SLC24A3: variants seen among roughly 807,000 people sequenced by gnomAD.
The protein encoded by SLC24A3 is sodium/potassium/calcium exchanger 3.
SLC24A3 carries 28 observed loss-of-function variants against 75.8 expected under a neutral mutation model. That is an observed-to-expected ratio of 0.37 (90% confidence interval 0.27 to 0.51). SLC24A3 has a LOEUF of 0.51. SLC24A3 is among the 20% of genes least tolerant of loss of function. SLC24A3 has a pLI of 0.94. For missense variants in SLC24A3, 663 were observed against 847.8 expected (o/e 0.78, Z 2.71); for synonymous variants, 372 against 334.1 (o/e 1.11, Z -1.24).
In SLC24A3 at chr20:19,554,423, T is replaced by A. The variant is rs189426041; in HGVS notation, c.349-25577T>A. On this transcript the variant is annotated intron_variant, in intron 3 of 16. Transcript: ENST00000328041. Reference sequence around the variant, plus strand: ...CTCCGGAAGTGCTTCTAACAGAGTTTGTGGAGAGAAGAGAAAAGGTGGAAG... The same window carrying A: ...CTCCGGAAGTGCTTCTAACAGAGTTAGTGGAGAGAAGAGAAAAGGTGGAAG... Among the ~76,000 whole-genome samples, 8 of 152,292 alleles carry A rather than the reference T, an allele frequency of 5.3e-5. No individual in the cohort carries two copies. The East Asian group carries it at 1.4e-3, about 26-fold the overall frequency.
chr20:19,479,507 C>G (rs774417188), intron 2 of SLC24A3, among the ~76,000 whole-genome samples: 7 of 152,178 alleles, frequency 4.6e-5, no homozygotes, highest in African/African-American at 7.2e-5. Context: ...GAGCAAACCC[C>G]TGAGTGAAGA....
At chr20:19,585,740 G>C (rs62203265) in intron 6 of SLC24A3, among the ~76,000 whole-genome samples, 196 bp downstream of exon 6, 1,814 of 152,204 alleles carry the variant, frequency 0.012, 24 homozygotes, top group Non-Finnish European at 0.015. Flanking sequence ...ACCATTACTT[G>C]GTCTCCATGT....
At chr20:19,659,464 T>C (rs1056813710) in intron 7 of SLC24A3, among the ~76,000 whole-genome samples, 2 of 152,258 alleles carry the variant, frequency 1.3e-5, no homozygotes, top group African/African-American at 2.4e-5. Flanking sequence ...ACGTGGCTAC[T>C]GACAGGCAAC....
At chr20:19,532,165 G>A (rs909387249) in intron 3 of SLC24A3, among the ~76,000 whole-genome samples, 23 of 152,174 alleles carry the variant, frequency 1.5e-4, no homozygotes, top group African/African-American at 4.1e-4. Context: ...TCTAGACGAC[G>A]GATCTAAGAA....
intron 1 of SLC24A3, among the ~76,000 whole-genome samples, chr20:19,279,596 GCT>G (rs991541242): frequency 3.3e-5 from 5 of 151,856 alleles, no homozygotes; most frequent in African/African-American, 1.2e-4. Flanking sequence ...GTATCCTTTT[GCT>G]CTGTCTCCTC....
chr20:19,682,615 A>C lies in SLC24A3; in HGVS notation c.901+624A>C, dbSNP rs137959546. On this transcript the variant is annotated intron_variant, in intron 10 of 16. Coordinates refer to ENST00000328041, the MANE Select transcript of SLC24A3 (RefSeq NM_020689.4). ...TGTGTGACCATGAAGCAGGTTATGT[A>C]ACCTCTTGAGCCTCAGTTTTCTCTT... Among the ~76,000 whole-genome samples, 492 of 152,348 alleles carry C rather than the reference A, an allele frequency of 3.2e-3. 2 individuals are homozygous for C. Among genetic ancestry groups the C allele is most frequent in the African/African-American group, 0.011 (449 of 41,584 alleles).
chr20:19,602,657 C>T (rs1025435864), intron 6 of SLC24A3, among the ~76,000 whole-genome samples: 3 of 152,106 alleles, frequency 2.0e-5, no homozygotes, highest in African/African-American at 7.2e-5. Flanking sequence ...CAAGAGAGTC[C>T]CCATGCTAAG....
chr20:19,468,371 AG>A (rs1987804692), intron 2 of SLC24A3, among the ~76,000 whole-genome samples: 1 of 152,078 alleles, frequency 6.6e-6, no homozygotes, highest in Non-Finnish European at 1.5e-5. Context: ...CAAAAAGCCA[AG>A]GGGGTACAGG....
chr20:19,281,929 T>C (rs540723629), intron 2 of SLC24A3, among the ~76,000 whole-genome samples: 1 of 152,334 alleles, frequency 6.6e-6, no homozygotes, highest in African/African-American at 2.4e-5. Context: ...TCTGTAGCCA[T>C]ATTTTGCTGC....
intron 1 of SLC24A3, among the ~76,000 whole-genome samples, chr20:19,239,841 T>G (rs1982280137): frequency 6.6e-6 from 1 of 152,118 alleles, no homozygotes; most frequent in South Asian, 2.1e-4. Context: ...CCAGGGGCCC[T>G]GTGGGCAGCC....
At chr20:19,307,509 A>G (rs896948979) in intron 2 of SLC24A3, among the ~76,000 whole-genome samples, 1 of 152,206 alleles carries the variant, frequency 6.6e-6, no homozygotes, top group Non-Finnish European at 1.5e-5. Context: ...GGAACAGAAA[A>G]CCAAACACTG....
At chr20:19,392,583 C>A (rs1478193264) in intron 2 of SLC24A3, among the ~76,000 whole-genome samples, 3 of 152,104 alleles carry the variant, frequency 2.0e-5, no homozygotes, top group African/African-American at 7.2e-5. Context: ...GAACCAAATA[C>A]AAAACTGAGG....
At chr20:19,399,644 C>A (rs1235611132) in intron 2 of SLC24A3, among the ~76,000 whole-genome samples, 1 of 152,088 alleles carries the variant, frequency 6.6e-6, no homozygotes. Flanking sequence ...TTATTATAAT[C>A]GAGGCTAATT....
intron 2 of SLC24A3, among the ~76,000 whole-genome samples, chr20:19,466,677 G>A (rs193285082): frequency 1.1e-4 from 17 of 148,288 alleles, no homozygotes; most frequent in Middle Eastern, 3.2e-3. Flanking sequence ...ATATTTAGGG[G>A]CTTTCAGTTT....
At chr20:19,431,170 C>G (rs958537132) in intron 2 of SLC24A3, among the ~76,000 whole-genome samples, 1 of 152,082 alleles carries the variant, frequency 6.6e-6, no homozygotes, top group African/African-American at 2.4e-5. Context: ...GCCCTCAACC[C>G]AGCCCCATGT....
At chr20:19,318,391 G>C (rs1480335337) in intron 2 of SLC24A3, among the ~76,000 whole-genome samples, 1 of 152,188 alleles carries the variant, frequency 6.6e-6, no homozygotes, top group African/African-American at 2.4e-5. Flanking sequence ...CCATGATGAG[G>C]AGGCTGAGAG....
At chr20:19,697,549 C>G (rs2032824468) in intron 14 of SLC24A3, 2 of 152,398 alleles carry the variant, frequency 1.3e-5, no homozygotes, top group African/African-American at 2.4e-5. Flanking sequence ...CCTTCAAAGC[C>G]AAGCTCACAG....
rs78297564 is a variant in SLC24A3, at chr20:19,699,944, G to A, written c.1719+1264G>A. ...ACATTATAAAGTTTGGGAAATGATCGTGACAAATTGGTACAGCATGGCCTA... is the reference window on the plus strand; with the variant it reads ...ACATTATAAAGTTTGGGAAATGATCATGACAAATTGGTACAGCATGGCCTA... On this transcript the variant is annotated intron_variant, in intron 15 of 16. Coordinates refer to ENST00000328041, the MANE Select transcript of SLC24A3 (RefSeq NM_020689.4). 6.0e-3 allele frequency among the ~76,000 whole-genome samples: 915 copies of A among 152,268 alleles called. 2 individuals are homozygous for A. The highest frequency in any genetic ancestry group is 0.027 in the Middle Eastern group (8 of 294).
rs151031612 is a variant in SLC24A3 at position 19,408,638 on chromosome 20, C to T, written c.272-106850C>T. On this transcript the variant is annotated intron_variant, in intron 2 of 16. Transcript: ENST00000328041. ...CTTCTGGCCTAAAGTGATCCACCCACCTCAGCCTCCCAAAGTGCTGGGATT... is the reference window on the plus strand; with the variant it reads ...CTTCTGGCCTAAAGTGATCCACCCATCTCAGCCTCCCAAAGTGCTGGGATT... Among the ~76,000 whole-genome samples, 265 of 152,268 alleles carry T rather than the reference C, an allele frequency of 1.7e-3. 1 individual carries two copies. The highest frequency in any genetic ancestry group is 6.1e-3 in the African/African-American group (253 of 41,542).
Sources: gnomAD v4.1 joint callset for allele counts (sites outside exome capture counted in the v4.1 genomes callset) on GRCh38, gnomAD v4.1.1 for gene constraint, MANE v1.5 for transcripts, NCBI Gene and HGNC (gene_info 2026-07-23, HGNC 2026-07-21) for gene names.